Variants in CAP2 observed in about 807,000 individuals in gnomAD.
The protein encoded by CAP2 is cyclase associated actin cytoskeleton regulatory protein 2, also known as adenylyl cyclase-associated protein 2.
In CAP2, 24 loss-of-function variants were observed where a neutral mutation model predicts 57.7. The ratio of observed to expected loss-of-function variants is 0.42; its 90% confidence interval spans 0.30 to 0.58. The LOEUF is 0.58. CAP2 is among the 20% of genes least tolerant of loss of function. The probability of loss-of-function intolerance (pLI) is 0.22; values close to 1 mark genes in which losing one functional copy is unlikely to be tolerated. For missense variants in CAP2, 501 were observed against 590.3 expected, an observed-to-expected ratio of 0.85 and a Z score of 1.57; for synonymous variants, 194 against 207.2, an observed-to-expected ratio of 0.94 and a Z score of 0.55.
chr6:17,435,097 T>C (rs2113552191), intron 3 of CAP2, among the ~76,000 whole-genome samples: 1 of 116,974 alleles, frequency 8.5e-6, no homozygotes, highest in South Asian at 3.4e-4. Context: ...TGTAAACTAG[T>C]TCAACCATTG....
intron 12 of CAP2, among the ~76,000 whole-genome samples, chr6:17,555,966 C>T (rs944307968): frequency 6.6e-6 from 1 of 152,140 alleles, no homozygotes. Flanking sequence ...ATTCTAGCTG[C>T]GCTGTTACTG....
chr6:17,470,211 C>A (rs563318423), intron 4 of CAP2, among the ~76,000 whole-genome samples: 21 of 152,250 alleles, frequency 1.4e-4, no homozygotes, highest in Admixed American at 1.2e-3. Flanking sequence ...ACTTGGTAAT[C>A]CACTGACCCA....
intron 4 of CAP2, among the ~76,000 whole-genome samples, chr6:17,463,296 G>GA (rs149970340): frequency 0.031 from 4,194 of 133,852 alleles, 215 homozygotes; most frequent in African/African-American, 0.11. Context: ...TGCCATTTGC[G>GA]AAAAAAAAAA....
At chr6:17,430,857 A>G (rs183354600) in intron 3 of CAP2, among the ~76,000 whole-genome samples, 204 of 152,298 alleles carry the variant, frequency 1.3e-3, no homozygotes, top group Non-Finnish European at 1.6e-3. Context: ...ATTTTTTAAC[A>G]AAGTTATCCT....
Position 17,551,539 on chromosome 6 carries a change from G to A in CAP2, c.1285G>A (p.Asp429Asn). ...CHIYLSEDAL[D>N]CEIVSAKSSE... ...CATATACCTCAGTGAAGATGCATTA[G>A]ACTGTGAGATCGTGAGCGCCAAGTC... is the stretch of plus-strand genomic sequence containing the variant. Residue 429 changes from aspartate to asparagine, a missense_variant, in exon 12 of 13, where the codon GAC becomes AAC. Asp to Asn is a conservative substitution (Grantham distance 23). Transcript: ENST00000229922. 1 of 1,611,640 alleles carries A rather than the reference G, an allele frequency of 6.2e-7. No homozygotes were observed. The highest frequency in any genetic ancestry group is 8.5e-7 in the Non-Finnish European group (1 of 1,177,910).
intron 4 of CAP2, among the ~76,000 whole-genome samples, chr6:17,492,766 T>A (rs1378061860): frequency 2.0e-5 from 3 of 152,208 alleles, no homozygotes; most frequent in Non-Finnish European, 4.4e-5. Context: ...CTGACCCCTT[T>A]GTACTGCTTC....
chr6:17,397,111 A>G (rs1758684297), intron 1 of CAP2, among the ~76,000 whole-genome samples: 1 of 152,080 alleles, frequency 6.6e-6, no homozygotes, highest in African/African-American at 2.4e-5. Context: ...CCAGGCTGGA[A>G]TGGAGTGGCA....
chr6:17,525,548 TC>T (rs1254281795), intron 7 of CAP2, among the ~76,000 whole-genome samples: 3 of 152,142 alleles, frequency 2.0e-5, no homozygotes, highest in Non-Finnish European at 4.4e-5. Flanking sequence ...AAGTTATCCT[TC>T]CATCCTCAGC....
At position 17,531,447 on chromosome 6, in the gene CAP2, A is replaced by G. The variant is rs1762637371; in HGVS notation, c.637-7822A>G. 3.9e-6 allele frequency: 6 copies of G among 1,536,900 alleles called. No individual in the cohort carries two copies. In the South Asian group the frequency reaches 5.6e-5, roughly 14 times the overall value. ...CTCGCCATTTGAATTTCAGTTCTGT[A>G]CATCTGCCTATATTCCTTGTGATAG... On this transcript the variant is annotated intron_variant, in intron 7 of 12. Coordinates refer to ENST00000229922, the MANE Select transcript of CAP2 (RefSeq NM_006366.3).
chr6:17,544,048 C>G (rs975103040), intron 11 of CAP2, among the ~76,000 whole-genome samples: 1 of 148,358 alleles, frequency 6.7e-6, no homozygotes, highest in Admixed American at 7.0e-5. Flanking sequence ...TCACTTGAAC[C>G]TGGGAGGCAG....
chr6:17,410,160 C>T (rs1759100593), intron 1 of CAP2, among the ~76,000 whole-genome samples: 1 of 152,218 alleles, frequency 6.6e-6, no homozygotes, highest in Admixed American at 6.5e-5. Context: ...TTGGTAGCCT[C>T]TCTACTTCCC....
chr6:17,531,112 G>A (rs1275509454), intron 7 of CAP2: 4 of 762,152 alleles, frequency 5.2e-6, no homozygotes, highest in Non-Finnish European at 9.5e-6. Context: ...CCGAGAGATT[G>A]AGCCATCAAA....
chr6:17,493,557 C>T (rs1264390379), intron 4 of CAP2: 1 of 195,322 alleles, frequency 5.1e-6, no homozygotes, highest in Non-Finnish European at 1.1e-5. Context: ...ACAGAGCTCA[C>T]CCCTGGCTGA....
intron 1 of CAP2, among the ~76,000 whole-genome samples, chr6:17,411,303 A>G (rs1759136598): frequency 6.6e-6 from 1 of 152,206 alleles, no homozygotes; most frequent in Non-Finnish European, 1.5e-5. Context: ...ATTTCTCTTG[A>G]GTAAAATAGA....
chr6:17,454,493 A>G (rs968062600), intron 3 of CAP2, among the ~76,000 whole-genome samples: 2 of 152,176 alleles, frequency 1.3e-5, no homozygotes, highest in African/African-American at 4.8e-5. Flanking sequence ...CCATTAGCAC[A>G]TTTTTACCCT....
chr6:17,410,594 G>A (rs1454144377), intron 1 of CAP2, among the ~76,000 whole-genome samples: 3 of 151,416 alleles, frequency 2.0e-5, no homozygotes, highest in Non-Finnish European at 4.4e-5. Flanking sequence ...TTTTGAGACG[G>A]AGTCCAGAGC....
intron 3 of CAP2, among the ~76,000 whole-genome samples, chr6:17,451,181 G>A (rs972943965): frequency 7.2e-5 from 11 of 151,816 alleles, no homozygotes; most frequent in African/African-American, 2.7e-4. Flanking sequence ...AAATGACTGA[G>A]GACCAAGCAG....
intron 3 of CAP2, among the ~76,000 whole-genome samples, chr6:17,460,810 T>A (rs1760698637): frequency 6.6e-6 from 1 of 152,218 alleles, no homozygotes; most frequent in Non-Finnish European, 1.5e-5. Context: ...GTTACAATGA[T>A]GTTCATTTAA....
At chr6:17,518,853 G>C (rs1457832650) in intron 7 of CAP2, among the ~76,000 whole-genome samples, 1 of 151,952 alleles carries the variant, frequency 6.6e-6, no homozygotes, top group Non-Finnish European at 1.5e-5. Context: ...GCCCAGGGTG[G>C]TCTAGAACGC....
Sources: gnomAD v4.1 joint callset for allele counts (sites outside exome capture counted in the v4.1 genomes callset) on GRCh38, gnomAD v4.1.1 for gene constraint, MANE v1.5 for transcripts, NCBI Gene and HGNC (gene_info 2026-07-23, HGNC 2026-07-21) for gene names.